BCAS3: variants seen among roughly 807,000 people sequenced by gnomAD.
The protein encoded by BCAS3 is BCAS3 microtubule associated cell migration factor.
In BCAS3, 53 loss-of-function variants were observed where a neutral mutation model predicts 116.1. That is an observed-to-expected ratio of 0.46 (90% confidence interval 0.37 to 0.57). The LOEUF is 0.57. Among genes scored for constraint, BCAS3 ranks in the 20% least tolerant of loss-of-function variants. BCAS3 has a pLI of 0.00. For synonymous variants in BCAS3, 391 were observed against 408.2 expected (o/e 0.96, Z 0.51); for missense variants, 917 against 1,165.4 (o/e 0.79, Z 3.10).
At chr17:61,236,147 G>C (rs2083040279) in intron 22 of BCAS3, among the ~76,000 whole-genome samples, 1 of 152,106 alleles carries the variant, frequency 6.6e-6, no homozygotes, top group Non-Finnish European at 1.5e-5. Context: ...AAACAGAAAA[G>C]TGCCAGCTAT....
rs905916025 is a variant in BCAS3, at chr17:61,105,096, C to T, written c.2425+20532C>T. On this transcript the variant is annotated intron_variant, in intron 22 of 23. Transcript: ENST00000407086. This position sits in a 1 kb window ranked among gnomAD's most constrained non-coding sequence, Gnocchi z 4.3. ...AGCTGCATTTCCATCTCTTTCATCC[C>T]TCCCTTTTTATGAGAATAAAAAGTG... Among the ~76,000 whole-genome samples, 2 of 152,128 alleles carry T rather than the reference C, an allele frequency of 1.3e-5. No homozygotes were observed. The highest frequency in any genetic ancestry group is 3.9e-4 in the East Asian group (2 of 5,192).
At chr17:61,174,631 T>C (rs1362681014) in intron 22 of BCAS3, among the ~76,000 whole-genome samples, 1 of 152,216 alleles carries the variant, frequency 6.6e-6, no homozygotes, top group African/African-American at 2.4e-5. Context: ...AGCACAGATA[T>C]CTCTTCAACA....
intron 6 of BCAS3, among the ~76,000 whole-genome samples, chr17:60,791,144 C>G (rs2046735823): frequency 6.6e-6 from 1 of 152,202 alleles, no homozygotes; most frequent in Admixed American, 6.5e-5. Context: ...GAGCCTCAAA[C>G]TGCTGGGCTC....
At chr17:60,855,523 C>T (rs1199036506) in intron 7 of BCAS3, among the ~76,000 whole-genome samples, 7 of 141,554 alleles carry the variant, frequency 4.9e-5, no homozygotes, top group African/African-American at 1.3e-4. Context: ...GGTGAGATCT[C>T]GGCTCACTGC....
rs965211365 is a variant in BCAS3, at chr17:61,124,440, T to C, written c.2425+39876T>C. ...TTAGTTTGTTAACTACATTCTATTG[T>C]AGAACTGTTCTTATTTTTAAGATCG... On this transcript the variant is annotated intron_variant, in intron 22 of 23. Transcript: ENST00000407086. The surrounding 1 kb of genome is among the most constrained non-coding windows in gnomAD (Gnocchi z 4.6). Among the ~76,000 whole-genome samples the C allele has an allele frequency of 6.6e-6, 1 of 152,232 alleles. No individual in the cohort carries two copies. The highest frequency in any genetic ancestry group is 1.5e-5 in the Non-Finnish European group (1 of 68,034).
chr17:61,068,684 G>A lies in BCAS3; in HGVS notation c.2030-6236G>A, dbSNP rs566894631. Among the ~76,000 whole-genome samples the A allele has an allele frequency of 1.6e-4, 24 of 152,182 alleles. No homozygotes were observed. The highest frequency in any genetic ancestry group is 4.6e-4 in the African/African-American group (19 of 41,510). On this transcript the variant is annotated intron_variant, in intron 19 of 23. Transcript: ENST00000407086. The surrounding 1 kb of genome is among the most constrained non-coding windows in gnomAD (Gnocchi z 4.3). ...AAGATTGAAGACATAAGTTTTCACC[G>A]CCATTGGTCCCTAAAACTTCTTCTG...
In BCAS3 at chr17:60,962,813, C is replaced by T. The variant is rs1373961218; in HGVS notation, c.1221+15461C>T. Among the ~76,000 whole-genome samples the T allele has an allele frequency of 6.6e-6, 1 of 152,112 alleles. No individual in the cohort carries two copies. The highest frequency in any genetic ancestry group is 1.5e-5 in the Non-Finnish European group (1 of 68,016). ...GAGGTCTTACACAAAAAGGCTTTGC[C>T]CAGACCAATGTCCTGGACTGTTTCT... On this transcript the variant is annotated intron_variant, in intron 14 of 23. Transcript: ENST00000407086. This position sits in a 1 kb window ranked among gnomAD's most constrained non-coding sequence, Gnocchi z 4.4.
At chr17:61,127,266 T>C (rs1434416190) in intron 22 of BCAS3, among the ~76,000 whole-genome samples, 1 of 152,172 alleles carries the variant, frequency 6.6e-6, no homozygotes, top group East Asian at 1.9e-4. Flanking sequence ...TATTCCATGT[T>C]ATCTCCATTC....
At chr17:60,969,571 A>G (rs1341741831) in intron 14 of BCAS3, among the ~76,000 whole-genome samples, 1 of 152,212 alleles carries the variant, frequency 6.6e-6, no homozygotes, top group Non-Finnish European at 1.5e-5. Flanking sequence ...CAGAGCCAAC[A>G]TACATGTAGT....
intron 5 of BCAS3, among the ~76,000 whole-genome samples, chr17:60,734,478 C>T (rs1026264168): frequency 6.6e-6 from 1 of 152,142 alleles, no homozygotes; most frequent in African/African-American, 2.4e-5. Context: ...ACATTTAGGT[C>T]TGTAATCCAT....
rs1422513076 is a variant in BCAS3, at chr17:61,337,911, G to A, written c.2426-30416G>A. Among the ~76,000 whole-genome samples the A allele has an allele frequency of 1.3e-5, 2 of 152,160 alleles. No individual in the cohort carries two copies. Among genetic ancestry groups the A allele is most frequent in the South Asian group, 2.1e-4 (1 of 4,834 alleles). On this transcript the variant is annotated intron_variant, in intron 22 of 23. Transcript: ENST00000407086. This position sits in a 1 kb window ranked among gnomAD's most constrained non-coding sequence, Gnocchi z 4.8. ...TTTATAGTTGAGGAAACCAAGGCTC[G>A]GTGAGGTAAAGCGCTTCATCCAGTA...
In BCAS3 at chr17:61,211,827, A is replaced by G. The variant is rs1485495179; in HGVS notation, c.2425+127263A>G. Among the ~76,000 whole-genome samples, 4 of 152,226 alleles carry G rather than the reference A, an allele frequency of 2.6e-5. No individual in the cohort carries two copies. Among genetic ancestry groups the G allele is most frequent in the Non-Finnish European group, 5.9e-5 (4 of 68,038 alleles). ...GTTTACTGGGTAAAATATTTCAGGC[A>G]TAGACTTGGAGAGCAAGCTGCCCAC... On this transcript the variant is annotated intron_variant, in intron 22 of 23. Coordinates refer to ENST00000407086, the MANE Select transcript of BCAS3 (RefSeq NM_017679.5). This position sits in a 1 kb window ranked among gnomAD's most constrained non-coding sequence, Gnocchi z 4.4.
chr17:61,024,130 A>T (rs971987866), intron 16 of BCAS3, among the ~76,000 whole-genome samples: 1 of 152,054 alleles, frequency 6.6e-6, no homozygotes, highest in African/African-American at 2.4e-5. Flanking sequence ...ATGGATTTGT[A>T]CTTTGTGACT....
At position 61,041,523 on chromosome 17, in the gene BCAS3, A is replaced by G. The variant is rs1488640209; in HGVS notation, c.2029+631A>G. On this transcript the variant is annotated intron_variant, in intron 19 of 23. Coordinates refer to ENST00000407086, the MANE Select transcript of BCAS3 (RefSeq NM_017679.5). This position sits in a 1 kb window ranked among gnomAD's most constrained non-coding sequence, Gnocchi z 4.7. ...ATAGAATTAAAAATTATTTACAATT[A>G]TAATTCAGTTTTGTAGATATAGACA... 1.3e-5 allele frequency among the ~76,000 whole-genome samples: 2 copies of G among 151,564 alleles called. No individual in the cohort carries two copies. The highest frequency in any genetic ancestry group is 2.1e-4 in the South Asian group (1 of 4,814).
rs2058703876 is a variant in BCAS3 at position 61,365,912 on chromosome 17, A to G, written c.2426-2415A>G. On this transcript the variant is annotated intron_variant, in intron 22 of 23. Coordinates refer to ENST00000407086, the MANE Select transcript of BCAS3 (RefSeq NM_017679.5). The surrounding 1 kb of genome is among the most constrained non-coding windows in gnomAD (Gnocchi z 4.6). ...AATCCCAGCACTTTGGGAGGCCAAG[A>G]CAGGTGGATCGTTTGAGATCAGAAG... Among the ~76,000 whole-genome samples the G allele has an allele frequency of 6.6e-6, 1 of 152,062 alleles. No individual in the cohort carries two copies. Among genetic ancestry groups the G allele is most frequent in the South Asian group, 2.1e-4 (1 of 4,824 alleles).
intron 19 of BCAS3, among the ~76,000 whole-genome samples, chr17:61,062,122 A>G (rs1040651015): frequency 6.6e-6 from 1 of 152,206 alleles, no homozygotes; most frequent in African/African-American, 2.4e-5. Flanking sequence ...GTGCTGCACC[A>G]TCTGTATCAA....
chr17:61,088,128 G>T lies in BCAS3; in HGVS notation c.2425+3564G>T, dbSNP rs2097334514. Among the ~76,000 whole-genome samples, 1 of 152,220 alleles carries T rather than the reference G, an allele frequency of 6.6e-6. No homozygotes were observed. Among genetic ancestry groups the T allele is most frequent in the Non-Finnish European group, 1.5e-5 (1 of 68,038 alleles). Reference sequence around the variant, plus strand: ...ACCCGGGAGGCAGAGGTTGCAGTGAGCTGAGATTGCACCAGTGCACTCTAG... The same window carrying T: ...ACCCGGGAGGCAGAGGTTGCAGTGATCTGAGATTGCACCAGTGCACTCTAG... On this transcript the variant is annotated intron_variant, in intron 22 of 23. Coordinates refer to ENST00000407086, the MANE Select transcript of BCAS3 (RefSeq NM_017679.5). The surrounding 1 kb of genome is among the most constrained non-coding windows in gnomAD (Gnocchi z 4.2).
chr17:60,803,106 G>A (rs370603252), intron 6 of BCAS3, among the ~76,000 whole-genome samples: 12 of 152,156 alleles, frequency 7.9e-5, no homozygotes, highest in African/African-American at 2.2e-4. Flanking sequence ...TGGGAAAGAC[G>A]ACATGAAGGA....
chr17:61,083,376 C>G lies in BCAS3; in HGVS notation c.2328-1091C>G, dbSNP rs2072802701. Reference sequence around the variant, plus strand: ...ATTTTATGTTTTGTTTCTGCTTGTTCTCAGAGTAATGCCTACAAGCAATTA... The same window carrying G: ...ATTTTATGTTTTGTTTCTGCTTGTTGTCAGAGTAATGCCTACAAGCAATTA... On this transcript the variant is annotated intron_variant, in intron 21 of 23. Transcript: ENST00000407086. This position sits in a 1 kb window ranked among gnomAD's most constrained non-coding sequence, Gnocchi z 4.9. Among the ~76,000 whole-genome samples the G allele has an allele frequency of 6.6e-6, 1 of 152,026 alleles. No homozygotes were observed. The highest frequency in any genetic ancestry group is 6.6e-5 in the Admixed American group (1 of 15,246).
Sources: gnomAD v4.1 joint callset for allele counts (sites outside exome capture counted in the v4.1 genomes callset) on GRCh38, gnomAD v4.1.1 for gene constraint, Gnocchi (gnomAD v3.1) non-coding constraint, MANE v1.5 for transcripts, NCBI Gene and HGNC (gene_info 2026-07-23, HGNC 2026-07-21) for gene names.